The following CCR3 variants were observed in gnomAD, a reference collection of about 807,000 sequenced individuals.
CCR3 encodes C-C motif chemokine receptor 3.
For missense variants in CCR3, 419 were observed against 437.5 expected (o/e 0.96, Z 0.38); for synonymous variants, 203 against 179.2 (o/e 1.13, Z -1.06).
At chr3:46,230,414 G>A (rs1307863917) in intron 2 of CCR3, among the ~76,000 whole-genome samples, 2 of 152,086 alleles carry the variant, frequency 1.3e-5, no homozygotes, top group Non-Finnish European at 2.9e-5. Context: ...CAGGCCACCT[G>A]GTCCTATGTA....
chr3:46,228,108 C>G (rs1559526652), intron 2 of CCR3, among the ~76,000 whole-genome samples: 2 of 151,668 alleles, frequency 1.3e-5, no homozygotes. Context: ...CCCTGTTTAA[C>G]ATTTCTGTCT....
rs183554422 is a variant in CCR3, at chr3:46,249,978, G to A, written c.-12+7440G>A. The stretch of plus-strand genomic sequence containing the variant: ...TTTGGAGTTTTATTTAATGTCGGGA[G>A]CAGATTGGGTAATAAAATGTATATT... On this transcript the variant is annotated intron_variant, in intron 1 of 1. Transcript: ENST00000395940. Among the ~76,000 whole-genome samples the A allele has an allele frequency of 1.2e-3, 190 of 152,168 alleles. 3 individuals are homozygous for A. The South Asian group carries it at 0.026, about 21-fold the overall frequency.
chr3:46,216,122 C>T (rs1699771651), intron 2 of CCR3, among the ~76,000 whole-genome samples: 1 of 152,176 alleles, frequency 6.6e-6, no homozygotes, highest in Admixed American at 6.5e-5. Context: ...TTTTTTATTC[C>T]AGCAATTCCA....
At chr3:46,241,166 G>A (rs71615443), upstream of CCR3, among the ~76,000 whole-genome samples, 1 of 149,208 alleles carries the variant, frequency 6.7e-6, no homozygotes, top group Non-Finnish European at 1.5e-5. Flanking sequence ...ATGTGTGTGC[G>A]CTCTCTCTCT....
chr3:46,264,598 A>G (rs1220865460), intron 1 of CCR3: 2 of 594,438 alleles, frequency 3.4e-6, no homozygotes, highest in African/African-American at 3.9e-5. Flanking sequence ...AAATTACTAA[A>G]TTTCTTCAAG....
intron 1 of CCR3, among the ~76,000 whole-genome samples, chr3:46,243,161 A>T (rs1700126486): frequency 6.6e-6 from 1 of 151,720 alleles, no homozygotes; most frequent in Non-Finnish European, 1.5e-5. Flanking sequence ...ATCCTCCAGT[A>T]CCCTTTAAAT....
chr3:46,265,277 T>C lies in CCR3; in HGVS notation c.119T>C (p.Leu40Pro), dbSNP rs1250540241. 6.2e-7 allele frequency: 1 copy of C among 1,614,106 alleles called. No individual in the cohort carries two copies. Among genetic ancestry groups the C allele is most frequent in the Admixed American group, 1.7e-5 (1 of 60,016 alleles). Residue 40 changes from leucine to proline, a missense_variant, in exon 2 of 2, where the codon CTG becomes CCG. Physicochemically the swap from Leu to Pro is moderately conservative, Grantham distance 98 (BLOSUM62 -3). Transcript: ENST00000395940. ...CTGATGGCCCAGTTTGTGCCCCCGC[T>C]GTACTCCCTGGTGTTCACTGTGGGC... ...RALMAQFVPPLYSLVFTVGLL... is the reference protein window; with the variant it reads ...RALMAQFVPPPYSLVFTVGLL...
chr3:46,239,048 T>G (rs1700050480), upstream of CCR3, among the ~76,000 whole-genome samples: 1 of 152,206 alleles, frequency 6.6e-6, no homozygotes. Context: ...TTGTTGAATT[T>G]GTTGACCTGT....
intron 1 of CCR3, among the ~76,000 whole-genome samples, chr3:46,254,458 A>G (rs201992932): frequency 6.7e-6 from 1 of 149,922 alleles, no homozygotes; most frequent in Non-Finnish European, 1.5e-5. Context: ...AAGGGGAAGT[A>G]TTTTTCCCCC....
intron 1 of CCR3, among the ~76,000 whole-genome samples, chr3:46,247,318 AGGT>A (rs1700216664): frequency 6.6e-6 from 1 of 152,170 alleles, no homozygotes; most frequent in Admixed American, 6.5e-5. Context: ...GCACAGTCTA[AGGT>A]GGTCCGGTGT....
At chr3:46,228,258 C>G (rs537435818) in intron 2 of CCR3, among the ~76,000 whole-genome samples, 1 of 152,048 alleles carries the variant, frequency 6.6e-6, no homozygotes, top group East Asian at 1.9e-4. Flanking sequence ...TACGCACACC[C>G]CCTCCCACTC....
intron 2 of CCR3, among the ~76,000 whole-genome samples, chr3:46,232,624 A>G (rs1699978145): frequency 6.6e-6 from 1 of 152,130 alleles, no homozygotes. Flanking sequence ...GGGCATGTTC[A>G]TGGCTGCACC....
chr3:46,264,352 A>G (rs760533634), intron 1 of CCR3: 31 of 1,141,616 alleles, frequency 2.7e-5, no homozygotes, highest in Non-Finnish European at 3.4e-5. Context: ...GTGATTGTAC[A>G]TGTGTAACAG....
intron 2 of CCR3, among the ~76,000 whole-genome samples, chr3:46,236,991 T>C (rs548498376): frequency 9.3e-4 from 142 of 152,364 alleles, no homozygotes; most frequent in African/African-American, 3.2e-3. Context: ...TATGCCTGGC[T>C]TATTTCACTT....
intron 1 of CCR3, among the ~76,000 whole-genome samples, chr3:46,250,013 A>T (rs1189754580): frequency 6.6e-6 from 1 of 152,038 alleles, no homozygotes. Context: ...TGAGAATAAG[A>T]TGGCCTTTTG....
chr3:46,232,479 G>A (rs142862034), intron 2 of CCR3, among the ~76,000 whole-genome samples: 2 of 152,340 alleles, frequency 1.3e-5, no homozygotes, highest in Non-Finnish European at 2.9e-5. Flanking sequence ...GCATAGCCAC[G>A]TGGGGGTCCT....
chr3:46,261,430 C>G (rs1045107218), intron 1 of CCR3, among the ~76,000 whole-genome samples: 10 of 152,198 alleles, frequency 6.6e-5, no homozygotes, highest in Non-Finnish European at 1.0e-4. Context: ...GGTGATATTT[C>G]AAGCCCAAAG....
chr3:46,262,335 A>G lies in CCR3; in HGVS notation c.-11-2813A>G, dbSNP rs202159457. ...AGAATCATTGCACATTTCACTGCTG[A>G]GTTGTATTGTGAGTAATTTTAGTTG... On this transcript the variant is annotated intron_variant, in intron 1 of 1. Transcript: ENST00000395940. Among the ~76,000 whole-genome samples, 6 of 152,178 alleles carry G rather than the reference A, an allele frequency of 3.9e-5. No individual in the cohort carries two copies. The East Asian group carries it at 9.6e-4, about 24-fold the overall frequency.
intron 2 of CCR3, among the ~76,000 whole-genome samples, chr3:46,228,715 T>G (rs1199812765): frequency 6.6e-6 from 1 of 152,274 alleles, no homozygotes; most frequent in Non-Finnish European, 1.5e-5. Context: ...TGCCATTTGA[T>G]AACTGTACAA....
Sources: allele counts gnomAD v4.1 joint callset (sites outside exome capture counted in the v4.1 genomes callset), GRCh38; gene constraint gnomAD v4.1.1; transcripts MANE v1.5; gene names NCBI Gene and HGNC (gene_info 2026-07-23, HGNC 2026-07-21).